FHIP2A: variants seen among roughly 807,000 people sequenced by gnomAD.
FHIP2A encodes FHF complex subunit HOOK interacting protein 2A.
In FHIP2A, 46 loss-of-function variants were observed where a neutral mutation model predicts 93.5. That is an observed-to-expected ratio of 0.49 (90% CI 0.39 to 0.63). The LOEUF is 0.63. FHIP2A is among the 20% of genes least tolerant of loss of function. The probability of loss-of-function intolerance (pLI) is 0.00; values close to 1 mark genes in which losing one functional copy is unlikely to be tolerated. For synonymous variants in FHIP2A, 332 were observed against 326.5 expected, an observed-to-expected ratio of 1.02 and a Z score of -0.18; for missense variants, 769 against 909.7, an observed-to-expected ratio of 0.85 and a Z score of 1.99.
intron 16 of FHIP2A, among the ~76,000 whole-genome samples, chr10:114,887,117 CAA>C (rs1481910875): frequency 6.6e-6 from 1 of 152,170 alleles, no homozygotes; most frequent in Non-Finnish European, 1.5e-5. Flanking sequence ...TCATTTTCTG[CAA>C]AGTTTTCACA....
chr10:114,838,939 A>G (rs1053683993), intron 5 of FHIP2A, among the ~76,000 whole-genome samples: 6 of 152,102 alleles, frequency 3.9e-5, no homozygotes, highest in Non-Finnish European at 7.4e-5. Context: ...GTCAGTTACT[A>G]CAGTCCCCCA....
At chr10:114,890,784 CAT>C (rs1327119594) in intron 16 of FHIP2A, among the ~76,000 whole-genome samples, 1 of 148,104 alleles carries the variant, frequency 6.8e-6, no homozygotes, top group East Asian at 2.0e-4. Context: ...CTGTATATGA[CAT>C]ATATTATATA....
rs375901885 is a variant in FHIP2A, at chr10:114,847,375, G to A, written c.1712+142G>A. On this transcript the variant is annotated intron_variant, in intron 12 of 16. Transcript: ENST00000369248. The stretch of plus-strand genomic sequence containing the variant: ...ACGATCTCTGCTCACTGCAACCTCC[G>A]CCTCCTGGGTTTAAGCGATTCTCCT... 2.2e-5 allele frequency: 14 copies of A among 637,226 alleles called. No homozygotes were observed. In the South Asian group the frequency reaches 2.5e-4, roughly 12 times the overall value. 39.5% of individuals were successfully genotyped at this position (637,226 alleles called of 1,614,324 possible).
At chr10:114,854,585 A>G (rs1030291142) in intron 13 of FHIP2A, among the ~76,000 whole-genome samples, 36 of 152,238 alleles carry the variant, frequency 2.4e-4, no homozygotes, top group Admixed American at 1.1e-3. Flanking sequence ...TTCAACAGAC[A>G]TAAAACTCTT....
intron 8 of FHIP2A, 95 bp downstream of exon 8, chr10:114,845,576 A>G (rs2083696017): frequency 2.7e-6 from 2 of 735,726 alleles, no homozygotes; most frequent in Admixed American, 5.4e-5. Flanking sequence ...ATACATTTTA[A>G]TTGTCTTAGA....
chr10:114,857,170 GTA>G (rs1009544243), intron 14 of FHIP2A, among the ~76,000 whole-genome samples: 3 of 151,990 alleles, frequency 2.0e-5, no homozygotes, highest in Admixed American at 6.6e-5. Context: ...TAAGAACGTG[GTA>G]TAGTCTGATC....
At chr10:114,871,821 T>C (rs2083861569) in intron 16 of FHIP2A, among the ~76,000 whole-genome samples, 1 of 152,134 alleles carries the variant, frequency 6.6e-6, no homozygotes, top group South Asian at 2.1e-4. Flanking sequence ...CCCATGTAAT[T>C]TTGCATTCCT....
chr10:114,866,954 A>G (rs539864877), downstream of FHIP2A, among the ~76,000 whole-genome samples: 1 of 152,334 alleles, frequency 6.6e-6, no homozygotes, highest in African/African-American at 2.4e-5. Flanking sequence ...CACGCCTGTA[A>G]TCCTAGCACT....
At chr10:114,872,523 G>T (rs1331341545) in intron 16 of FHIP2A, among the ~76,000 whole-genome samples, 7 of 152,148 alleles carry the variant, frequency 4.6e-5, no homozygotes, top group African/African-American at 1.7e-4. Context: ...CTTGAATTTA[G>T]AAGTTTAAAC....
intron 16 of FHIP2A, among the ~76,000 whole-genome samples, chr10:114,869,874 A>C (rs2083848548): frequency 6.6e-6 from 1 of 152,234 alleles, no homozygotes; most frequent in African/African-American, 2.4e-5. Context: ...CATGCATAGC[A>C]TATAATATAA....
At chr10:114,853,265 T>A (rs920223076) in intron 13 of FHIP2A, among the ~76,000 whole-genome samples, 2 of 152,216 alleles carry the variant, frequency 1.3e-5, no homozygotes, top group Non-Finnish European at 2.9e-5. Flanking sequence ...ATTTCAAAAT[T>A]TGAAAGAGAA....
Position 114,864,637 on chromosome 10 carries a change from C to G in FHIP2A, c.*3097C>G. ...CTCTCTCTTCAAAGGAAGTTGTGAT[C>G]AAGTTCAACTTTTTGTGCTAACAAT... is the stretch of plus-strand genomic sequence containing the variant. On this transcript the variant is annotated 3_prime_UTR_variant, in exon 17 of 17. Transcript: ENST00000369248. The G allele has an allele frequency of 8.1e-6, 8 of 985,580 alleles. No individual in the cohort carries two copies. The highest frequency in any genetic ancestry group is 9.6e-6 in the Non-Finnish European group (8 of 829,796). The allele number at this position is 985,580 out of a possible 1,614,324, so 61.1% of individuals were successfully genotyped here.
chr10:114,848,704 A>T lies in FHIP2A; in HGVS notation c.1770A>T (p.Gly590=), dbSNP rs780217456. The change falls in exon 13 of 17, where the codon GGA becomes GGT. Residue 590 remains glycine (G), a synonymous_variant. Transcript: ENST00000369248. ...CCTCCTACCATGTTGAGGGCACAGG[A>T]TATGACACTTACCTCCGAGACGCTC... ...AKSSYHVEGT[G]YDTYLRDAHR... The T allele has an allele frequency of 2.5e-6, 4 of 1,613,438 alleles. No homozygotes were observed.
chr10:114,888,689 G>A (rs770461396), intron 16 of FHIP2A, among the ~76,000 whole-genome samples: 8 of 151,934 alleles, frequency 5.3e-5, no homozygotes, highest in Non-Finnish European at 7.4e-5. Context: ...TGCAAACTCC[G>A]CCTCCCAGAT....
At chr10:114,878,258 T>C (rs1248577334) in intron 16 of FHIP2A, among the ~76,000 whole-genome samples, 1 of 152,166 alleles carries the variant, frequency 6.6e-6, no homozygotes, top group Non-Finnish European at 1.5e-5. Flanking sequence ...TTTGTGAACA[T>C]ACTTCAAATC....
At chr10:114,867,467 G>T (rs2083835286), downstream of FHIP2A, among the ~76,000 whole-genome samples, 1 of 152,146 alleles carries the variant, frequency 6.6e-6, no homozygotes, top group Non-Finnish European at 1.5e-5. Flanking sequence ...AAAACCAAAA[G>T]ATTAAATTGG....
At chr10:114,873,467 T>C (rs1010367736) in intron 16 of FHIP2A, among the ~76,000 whole-genome samples, 2 of 152,210 alleles carry the variant, frequency 1.3e-5, no homozygotes, top group African/African-American at 2.4e-5. Flanking sequence ...ATTTCCATAC[T>C]GTATTCTCGG....
chr10:114,822,203 G>C (rs1265000571), intron 1 of FHIP2A, 80 bp downstream of exon 1: 1 of 933,878 alleles, frequency 1.1e-6, no homozygotes, highest in Non-Finnish European at 1.4e-6. Context: ...GGGACAAGCC[G>C]GGCGGCCTTG....
intron 5 of FHIP2A, among the ~76,000 whole-genome samples, chr10:114,839,059 G>A (rs2083652801): frequency 6.6e-6 from 1 of 152,104 alleles, no homozygotes; most frequent in African/African-American, 2.4e-5. Flanking sequence ...CTAGAATCTA[G>A]CATAATGCAT....
Sources: gnomAD v4.1 joint callset for allele counts (sites outside exome capture counted in the v4.1 genomes callset) on GRCh38, gnomAD v4.1.1 for gene constraint, MANE v1.5 for transcripts, NCBI Gene and HGNC (gene_info 2026-07-23, HGNC 2026-07-21) for gene names.